Variants in NPAS3 observed in about 807,000 individuals in gnomAD.
NPAS3 encodes the protein neuronal PAS domain protein 3.
In NPAS3, 14 loss-of-function variants were observed where a neutral mutation model predicts 73.1. The ratio of observed to expected loss-of-function variants is 0.19; its 90% CI spans 0.13 to 0.30. The LOEUF (loss-of-function observed/expected upper bound fraction) is 0.30, where lower values mean the gene tolerates loss of function less well. Among genes scored for constraint, NPAS3 ranks in the 10% least tolerant of loss-of-function variants. The probability of loss-of-function intolerance (pLI) is 1.00; values close to 1 mark genes in which losing one functional copy is unlikely to be tolerated. For synonymous variants in NPAS3, 620 were observed against 541.5 expected (o/e 1.14, Z -2.01); for missense variants, 1,096 against 1,250.0 (o/e 0.88, Z 1.86).
At chr14:33,185,868 C>T (rs1324865794) in intron 2 of NPAS3, among the ~76,000 whole-genome samples, 1 of 152,088 alleles carries the variant, frequency 6.6e-6, no homozygotes, top group African/African-American at 2.4e-5. Flanking sequence ...TTTTCCCCTA[C>T]CAGTAAGCAA....
chr14:33,748,246 G>C (rs2061861973), intron 7 of NPAS3, among the ~76,000 whole-genome samples: 1 of 152,160 alleles, frequency 6.6e-6, no homozygotes, highest in Non-Finnish European at 1.5e-5. Flanking sequence ...AGAATATGTA[G>C]CCAATGGAAT....
chr14:33,642,998 G>C (rs2058716606), intron 5 of NPAS3, among the ~76,000 whole-genome samples: 1 of 152,100 alleles, frequency 6.6e-6, no homozygotes, highest in South Asian at 2.1e-4. Flanking sequence ...TTATCTATAA[G>C]CCTTGTCATC....
chr14:32,979,078 G>A (rs2037798550), intron 1 of NPAS3, among the ~76,000 whole-genome samples: 1 of 152,144 alleles, frequency 6.6e-6, no homozygotes, highest in Non-Finnish European at 1.5e-5. Context: ...GGATAATAGT[G>A]TGAATCTCAT....
intron 3 of NPAS3, among the ~76,000 whole-genome samples, chr14:33,277,412 T>G (rs61972704): frequency 5.5e-4 from 84 of 152,314 alleles, no homozygotes; most frequent in Non-Finnish European, 1.1e-3. Flanking sequence ...TGCTGGGTAC[T>G]TGGAACAGGC....
intron 3 of NPAS3, among the ~76,000 whole-genome samples, chr14:33,345,484 C>A (rs112713973): frequency 6.6e-6 from 1 of 152,114 alleles, no homozygotes; most frequent in Non-Finnish European, 1.5e-5. Context: ...AAATTGTAGT[C>A]GACAGGAAAA....
At chr14:32,971,086 T>TTC (rs1429580624) in intron 1 of NPAS3, among the ~76,000 whole-genome samples, 2 of 82,002 alleles carry the variant, frequency 2.4e-5, no homozygotes, top group Non-Finnish European at 6.0e-5. Flanking sequence ...TCTTTCTTTT[T>TTC]TCTTTTTTTT....
At chr14:33,170,187 C>T (rs1176753407) in intron 2 of NPAS3, among the ~76,000 whole-genome samples, 2 of 152,138 alleles carry the variant, frequency 1.3e-5, no homozygotes, top group Non-Finnish European at 2.9e-5. Context: ...AAACGAATAT[C>T]ACAATGAAGC....
At chr14:33,758,716 TAACATCC>T (rs1457993898) in intron 7 of NPAS3, among the ~76,000 whole-genome samples, 1 of 152,234 alleles carries the variant, frequency 6.6e-6, no homozygotes, top group Non-Finnish European at 1.5e-5. Flanking sequence ...AGTTCTACTT[TAACATCC>T]AAGGTTTTTC....
chr14:33,039,708 A>G (rs1192815596), intron 1 of NPAS3, among the ~76,000 whole-genome samples: 1 of 152,256 alleles, frequency 6.6e-6, no homozygotes, highest in African/African-American at 2.4e-5. Flanking sequence ...ATTTTAAATA[A>G]TGCAGTTGTA....
chr14:33,725,049 A>G (rs527715384), intron 6 of NPAS3, among the ~76,000 whole-genome samples: 80 of 152,306 alleles, frequency 5.3e-4, no homozygotes, highest in African/African-American at 1.9e-3. Context: ...AGATACTGTA[A>G]TGTTCTTTAA....
At chr14:33,748,469 T>G (rs932284900) in intron 7 of NPAS3, among the ~76,000 whole-genome samples, 12 of 152,338 alleles carry the variant, frequency 7.9e-5, no homozygotes, top group Admixed American at 6.5e-4. Flanking sequence ...AGTCAAGAGA[T>G]ACTTGATTAT....
At chr14:33,010,196 A>C (rs2039141298) in intron 1 of NPAS3, among the ~76,000 whole-genome samples, 1 of 152,218 alleles carries the variant, frequency 6.6e-6, no homozygotes, top group Non-Finnish European at 1.5e-5. Context: ...CTCTGGATGA[A>C]GGAGATGTTG....
intron 3 of NPAS3, among the ~76,000 whole-genome samples, chr14:33,282,861 G>A (rs1307930623): frequency 2.0e-5 from 3 of 152,122 alleles, no homozygotes; most frequent in East Asian, 1.9e-4. Context: ...GTCTCATCAT[G>A]AGAATCCCTT....
chr14:33,699,630 G>A (rs1160388367), intron 6 of NPAS3, among the ~76,000 whole-genome samples: 1 of 152,092 alleles, frequency 6.6e-6, no homozygotes, highest in Non-Finnish European at 1.5e-5. Flanking sequence ...CCTTTGCCTC[G>A]GCCAGAGTAA....
chr14:33,215,172 T>C lies in NPAS3; in HGVS notation c.141-10T>C, dbSNP rs1216311081. On this transcript the variant is annotated splice_polypyrimidine_tract_variant and intron_variant, in intron 2 of 11. Transcript: ENST00000356141. ...TTCTAAACCACACATTCTCACTCCT[T>C]TGATTTCAGTTTACAAGCATTGAGA... 2 of 1,613,284 alleles carry C rather than the reference T, an allele frequency of 1.2e-6. No individual in the cohort carries two copies. The highest frequency in any genetic ancestry group is 2.2e-5 in the East Asian group (1 of 44,876).
At chr14:33,726,563 ACCAC>A (rs2061271698) in intron 6 of NPAS3, among the ~76,000 whole-genome samples, 1 of 152,036 alleles carries the variant, frequency 6.6e-6, no homozygotes, top group African/African-American at 2.4e-5. Flanking sequence ...GGCCCTTGTG[ACCAC>A]CCAACCAAAA....
chr14:32,994,751 C>A (rs2038494728), intron 1 of NPAS3, among the ~76,000 whole-genome samples: 1 of 151,738 alleles, frequency 6.6e-6, no homozygotes, highest in African/African-American at 2.4e-5. Flanking sequence ...CCTGCCTTGG[C>A]CTCCCAAGTA....
intron 1 of NPAS3, among the ~76,000 whole-genome samples, chr14:32,961,539 T>C (rs893162318): frequency 4.6e-5 from 7 of 152,198 alleles, no homozygotes; most frequent in Non-Finnish European, 8.8e-5. Flanking sequence ...ATATCTCCAA[T>C]TGAGGATGCC....
intron 4 of NPAS3, among the ~76,000 whole-genome samples, chr14:33,527,798 G>T (rs569554246): frequency 6.6e-6 from 1 of 152,114 alleles, no homozygotes; most frequent in Non-Finnish European, 1.5e-5. Context: ...CAAGTGCTGG[G>T]GGCTTCCTTT....
Sources: gnomAD v4.1 joint callset for allele counts (sites outside exome capture counted in the v4.1 genomes callset) on GRCh38, gnomAD v4.1.1 for gene constraint, MANE v1.5 for transcripts, NCBI Gene and HGNC (gene_info 2026-07-23, HGNC 2026-07-21) for gene names.